Variants in PCSK2 observed in about 807,000 individuals in gnomAD.
PCSK2 encodes the protein neuroendocrine convertase 2.
Under a neutral mutation model 69.7 loss-of-function variants are expected in PCSK2, and 14 were observed. That is an observed-to-expected ratio of 0.20 (90% CI 0.13 to 0.31). The LOEUF is 0.31. Ranked by LOEUF, PCSK2 falls within the 10% of genes least tolerant of loss-of-function variation. The pLI is 1.00. For missense variants in PCSK2, 544 were observed against 842.5 expected (o/e 0.65, Z 4.39); for synonymous variants, 307 against 320.7 (o/e 0.96, Z 0.46).
intron 5 of PCSK2, among the ~76,000 whole-genome samples, chr20:17,373,771 C>G (rs2030845613): frequency 6.6e-6 from 1 of 152,128 alleles, no homozygotes; most frequent in Non-Finnish European, 1.5e-5. Flanking sequence ...AGTTTATTCC[C>G]ATTAAACTAA....
At chr20:17,468,351 G>A (rs534155759) in intron 11 of PCSK2, among the ~76,000 whole-genome samples, 151 of 139,576 alleles carry the variant, frequency 1.1e-3, no homozygotes, top group Middle Eastern at 4.1e-3. Context: ...ACGGGCCAGC[G>A]TCCTGTTGTA....
chr20:17,435,617 G>A (rs1403924297), intron 7 of PCSK2, among the ~76,000 whole-genome samples: 2 of 152,176 alleles, frequency 1.3e-5, no homozygotes, highest in Non-Finnish European at 2.9e-5. Flanking sequence ...GGCCACCGGG[G>A]ACAAGGAAGG....
chr20:17,339,333 T>C (rs2123169020), intron 2 of PCSK2, among the ~76,000 whole-genome samples: 1 of 152,326 alleles, frequency 6.6e-6, no homozygotes, highest in South Asian at 2.1e-4. Context: ...GTTCACAAGC[T>C]GCTGTGAGCC....
intron 5 of PCSK2, among the ~76,000 whole-genome samples, chr20:17,372,172 G>C (rs1190613666): frequency 6.6e-6 from 1 of 152,068 alleles, no homozygotes; most frequent in African/African-American, 2.4e-5. Context: ...GAGGTCAGGA[G>C]ATTGAGACCA....
intron 2 of PCSK2, among the ~76,000 whole-genome samples, chr20:17,309,159 T>C (rs1298895344): frequency 6.6e-6 from 1 of 152,194 alleles, no homozygotes; most frequent in Non-Finnish European, 1.5e-5. Flanking sequence ...CAATCTGTAC[T>C]GATGAAGCCA....
At chr20:17,287,154 T>TAA (rs555803739) in intron 2 of PCSK2, among the ~76,000 whole-genome samples, 2 of 146,946 alleles carry the variant, frequency 1.4e-5, no homozygotes, top group African/African-American at 5.0e-5. Flanking sequence ...TAATCACATC[T>TAA]AAAAAAAAAA....
chr20:17,338,363 C>T (rs1990418228), intron 2 of PCSK2, among the ~76,000 whole-genome samples: 1 of 151,832 alleles, frequency 6.6e-6, no homozygotes, highest in Admixed American at 6.6e-5. Flanking sequence ...AGCCTGTCTA[C>T]TTTTTGTATT....
intron 11 of PCSK2, among the ~76,000 whole-genome samples, chr20:17,481,341 C>A (rs1027947937): frequency 2.8e-4 from 40 of 143,582 alleles, no homozygotes; most frequent in Middle Eastern, 3.7e-3. Context: ...GAGATCACAC[C>A]ACTGCACTCC....
intron 2 of PCSK2, among the ~76,000 whole-genome samples, chr20:17,305,987 T>C (rs1039290621): frequency 3.3e-5 from 5 of 152,240 alleles, no homozygotes; most frequent in African/African-American, 1.2e-4. Context: ...GCCTGACATT[T>C]TTCTGCAAAT....
intron 10 of PCSK2, among the ~76,000 whole-genome samples, chr20:17,459,822 G>A (rs375121839): frequency 4.2e-4 from 64 of 152,294 alleles, no homozygotes; most frequent in East Asian, 1.3e-3. Flanking sequence ...CCAGCCTGTC[G>A]CTGATCTGTG....
intron 5 of PCSK2, among the ~76,000 whole-genome samples, chr20:17,393,337 G>A (rs1296236809): frequency 6.6e-6 from 1 of 151,984 alleles, no homozygotes; most frequent in Non-Finnish European, 1.5e-5. Context: ...ATTTTTAACT[G>A]AATGAAATAA....
At chr20:17,319,620 G>A (rs1004384609) in intron 2 of PCSK2, among the ~76,000 whole-genome samples, 1 of 152,062 alleles carries the variant, frequency 6.6e-6, no homozygotes, top group Admixed American at 6.6e-5. Context: ...ACTGGCAAAA[G>A]CAAGTCACTT....
chr20:17,245,792 G>A (rs1423465518), intron 1 of PCSK2, among the ~76,000 whole-genome samples: 1 of 152,128 alleles, frequency 6.6e-6, no homozygotes, highest in Non-Finnish European at 1.5e-5. Flanking sequence ...TCACTCATTG[G>A]ATCACAAATT....
intron 2 of PCSK2, among the ~76,000 whole-genome samples, chr20:17,301,098 T>C (rs1026785361): frequency 2.6e-5 from 4 of 152,164 alleles, no homozygotes; most frequent in African/African-American, 9.7e-5. Context: ...CTAAAATCAA[T>C]TTAGAAAGCA....
intron 2 of PCSK2, among the ~76,000 whole-genome samples, chr20:17,297,456 A>G (rs1988931898): frequency 6.6e-6 from 1 of 152,182 alleles, no homozygotes; most frequent in African/African-American, 2.4e-5. Flanking sequence ...CTAGGAATGG[A>G]CTTATCATGA....
At chr20:17,309,862 G>A (rs1236473891) in intron 2 of PCSK2, among the ~76,000 whole-genome samples, 5 of 127,898 alleles carry the variant, frequency 3.9e-5, no homozygotes, top group Non-Finnish European at 8.4e-5. Flanking sequence ...GAAGAAGAAG[G>A]GGAAGGGGAA....
chr20:17,252,228 G>A (rs1370409212), intron 1 of PCSK2, among the ~76,000 whole-genome samples: 1 of 152,020 alleles, frequency 6.6e-6, no homozygotes, highest in African/African-American at 2.4e-5. Flanking sequence ...AAAAAAAGCT[G>A]TGGCTTTAAA....
At chr20:17,292,486 G>A (rs879846875) in intron 2 of PCSK2, among the ~76,000 whole-genome samples, 3 of 152,144 alleles carry the variant, frequency 2.0e-5, no homozygotes, top group Admixed American at 1.3e-4. Flanking sequence ...AATTTCTTTT[G>A]TAGTTAGCTA....
intron 2 of PCSK2, among the ~76,000 whole-genome samples, chr20:17,330,551 A>G (rs781072511): frequency 1.8e-4 from 27 of 152,178 alleles, no homozygotes; most frequent in Non-Finnish European, 4.0e-4. Flanking sequence ...AGGGAGGCAG[A>G]GGTTGCAGTG....
Sources: gnomAD v4.1 joint callset for allele counts (sites outside exome capture counted in the v4.1 genomes callset) on GRCh38, gnomAD v4.1.1 for gene constraint, MANE v1.5 for transcripts, NCBI Gene and HGNC (gene_info 2026-07-23, HGNC 2026-07-21) for gene names.